TPD52L1: variants seen among roughly 807,000 people sequenced by gnomAD.
TPD52L1 encodes the protein TPD52 like 1.
TPD52L1 carries 18 observed loss-of-function variants against 28.7 expected under a neutral mutation model. That is an observed-to-expected ratio of 0.63 (90% CI 0.43 to 0.93). The LOEUF (loss-of-function observed/expected upper bound fraction) is 0.93. Among genes scored for constraint, TPD52L1 ranks in the 40% least tolerant of loss-of-function variants. TPD52L1 has a pLI of 0.00. For missense variants in TPD52L1, 203 were observed against 254.8 expected (o/e 0.80, Z 1.39); for synonymous variants, 75 against 88.8 (o/e 0.84, Z 0.88).
At chr6:125,163,932 G>A (rs1205858255) in intron 1 of TPD52L1, among the ~76,000 whole-genome samples, 139 of 139,706 alleles carry the variant, frequency 9.9e-4, no homozygotes, top group Middle Eastern at 3.8e-3. Context: ...AAAAAAAAAA[G>A]AAAACAAAAG....
At chr6:125,207,791 A>T (rs758568652) in intron 1 of TPD52L1, among the ~76,000 whole-genome samples, 3 of 152,192 alleles carry the variant, frequency 2.0e-5, no homozygotes, top group Non-Finnish European at 4.4e-5. Context: ...TCTCTGATCT[A>T]GGAGTCTGGA....
intron 1 of TPD52L1, among the ~76,000 whole-genome samples, chr6:125,172,267 A>G (rs569229980): frequency 5.1e-5 from 6 of 118,290 alleles, no homozygotes; most frequent in South Asian, 2.7e-4. Flanking sequence ...CCTTCCTTCT[A>G]TCCATCCATC....
chr6:125,207,695 G>T (rs1794237820), intron 1 of TPD52L1, among the ~76,000 whole-genome samples: 1 of 152,180 alleles, frequency 6.6e-6, no homozygotes, highest in East Asian at 1.9e-4. Context: ...TATCCACCTA[G>T]GTCCCTCCAT....
intron 1 of TPD52L1, among the ~76,000 whole-genome samples, chr6:125,206,181 G>A (rs1406224126): frequency 6.6e-6 from 1 of 152,118 alleles, no homozygotes; most frequent in Non-Finnish European, 1.5e-5. Context: ...ATTAATAGTG[G>A]TGACTCATGT....
intron 3 of TPD52L1, among the ~76,000 whole-genome samples, chr6:125,231,704 G>A (rs1795964679): frequency 6.6e-6 from 1 of 152,162 alleles, no homozygotes; most frequent in Non-Finnish European, 1.5e-5. Context: ...CAGATCAACA[G>A]TGGTTTGCAG....
At chr6:125,252,874 GGT>G in intron 4 of TPD52L1, 4 of 152,304 alleles carry the variant, frequency 2.6e-5, no homozygotes, top group Admixed American at 2.6e-4. Flanking sequence ...ATGAGGGAAG[GGT>G]GACAGATTTG....
chr6:125,158,152 CA>C (rs1383763244), intron 1 of TPD52L1, among the ~76,000 whole-genome samples: 1 of 152,120 alleles, frequency 6.6e-6, no homozygotes, highest in Non-Finnish European at 1.5e-5. Flanking sequence ...CTCTCTCTCT[CA>C]AGACCTTTAA....
At chr6:125,209,895 A>G (rs900474632) in intron 1 of TPD52L1, among the ~76,000 whole-genome samples, 10 of 152,222 alleles carry the variant, frequency 6.6e-5, no homozygotes, top group Non-Finnish European at 1.2e-4. Context: ...AATTTATTGA[A>G]TTTTTAATTA....
At chr6:125,184,304 G>A (rs1313040835) in intron 1 of TPD52L1, among the ~76,000 whole-genome samples, 1 of 152,226 alleles carries the variant, frequency 6.6e-6, no homozygotes, top group Non-Finnish European at 1.5e-5. Flanking sequence ...GTCTGCACTA[G>A]CAAAATGGAT....
intron 1 of TPD52L1, among the ~76,000 whole-genome samples, chr6:125,180,679 G>T (rs1582873214): frequency 6.6e-6 from 1 of 152,082 alleles, no homozygotes; most frequent in African/African-American, 2.4e-5. Flanking sequence ...CCATTCTGGA[G>T]AATTCAACTT....
At chr6:125,253,636 AC>A in intron 4 of TPD52L1, 80 bp from the exon 5 acceptor site, 1 of 1,250,140 alleles carries the variant, frequency 8.0e-7, no homozygotes, top group Non-Finnish European at 1.1e-6. Context: ...TTTTAGAACT[AC>A]GAATAGGGAG....
chr6:125,253,466 C>T (rs966168741), intron 4 of TPD52L1: 4 of 498,894 alleles, frequency 8.0e-6, no homozygotes, highest in African/African-American at 7.8e-5. Context: ...GATTTCCTGG[C>T]AAAAGGAGGC....
chr6:125,189,041 A>C (rs535344768), intron 1 of TPD52L1, among the ~76,000 whole-genome samples: 23 of 152,244 alleles, frequency 1.5e-4, no homozygotes, highest in African/African-American at 5.1e-4. Context: ...TTAGCTAACG[A>C]TTTTTCTCCT....
chr6:125,235,523 C>T (rs904219892), intron 3 of TPD52L1, among the ~76,000 whole-genome samples: 3 of 152,176 alleles, frequency 2.0e-5, no homozygotes, highest in Admixed American at 6.6e-5. Context: ...CCATAGGCCG[C>T]AGGTTGGACA....
Position 125,163,950 on chromosome 6 carries a change from C to A in TPD52L1, c.19+9980C>A, listed in dbSNP as rs548000128. Among the ~76,000 whole-genome samples the A allele has an allele frequency of 7.4e-4, 110 of 148,942 alleles. 1 individual carries two copies. In the South Asian group the frequency reaches 0.015, roughly 20 times the overall value. On this transcript the variant is annotated intron_variant, in intron 1 of 6. Transcript: ENST00000534000. Reference sequence around the variant, plus strand: ...AAAAAAAGAAAACAAAAGAAAAAAACCAATAATAATAACAAACTCACAAGG... The same window carrying A: ...AAAAAAAGAAAACAAAAGAAAAAAAACAATAATAATAACAAACTCACAAGG...
chr6:125,254,693 A>C (rs1367088790), intron 5 of TPD52L1, among the ~76,000 whole-genome samples: 4 of 152,220 alleles, frequency 2.6e-5, no homozygotes, highest in African/African-American at 9.6e-5. Flanking sequence ...CAAATTCTTC[A>C]TATATATAAT....
Position 125,216,521 on chromosome 6 carries a change from A to ATG in TPD52L1, c.20-3549_20-3548dup, listed in dbSNP as rs373408548. On this transcript the variant is annotated intron_variant, in intron 1 of 6. Transcript: ENST00000534000. The stretch of plus-strand genomic sequence containing the variant: ...CCAAGTTTGCAACAGTAAATTCAGT[A>ATG]TGTGTGTGTATATATATATATATAT... Among the ~76,000 whole-genome samples the ATG allele has an allele frequency of 1.3e-3, 87 of 66,202 alleles. 1 individual carries two copies. In the Middle Eastern group the frequency reaches 0.024, roughly 18 times the overall value. The allele number at this position is 66,202 out of a possible 152,430, so 43.4% of individuals were successfully genotyped here. A position where few individuals can be genotyped will look rare whatever the true frequency, so the allele number is the denominator to read the frequency against.
At chr6:125,154,615 C>A in intron 1 of TPD52L1, 1 of 840,684 alleles carries the variant, frequency 1.2e-6, no homozygotes, top group Non-Finnish European at 1.4e-6. Flanking sequence ...TCCCTGCTCC[C>A]GGGGCTGCCT....
intron 1 of TPD52L1, among the ~76,000 whole-genome samples, chr6:125,188,484 G>A (rs1792802281): frequency 6.6e-6 from 1 of 152,138 alleles, no homozygotes; most frequent in South Asian, 2.1e-4. Context: ...GTGGTTTTCA[G>A]ACTTCTCAAA....
Sources: allele counts gnomAD v4.1 joint callset (sites outside exome capture counted in the v4.1 genomes callset), GRCh38; gene constraint gnomAD v4.1.1; transcripts MANE v1.5; gene names NCBI Gene and HGNC (gene_info 2026-07-23, HGNC 2026-07-21).